SAMD8: variants seen among roughly 807,000 people sequenced by gnomAD.
The protein encoded by SAMD8 is sterile alpha motif domain containing 8, also known as sphingomyelin synthase-related protein 1.
SAMD8 carries 20 observed loss-of-function variants against 42.0 expected under a neutral mutation model. The ratio of observed to expected loss-of-function variants is 0.48; its 90% CI spans 0.34 to 0.69. The LOEUF (loss-of-function observed/expected upper bound fraction) is 0.69. SAMD8 is among the 30% of genes least tolerant of loss of function. The probability of loss-of-function intolerance (pLI) is 0.01; values close to 1 mark genes in which losing one functional copy is unlikely to be tolerated. For synonymous variants in SAMD8, 162 were observed against 173.0 expected, an observed-to-expected ratio of 0.94 and a Z score of 0.50; for missense variants, 328 against 511.6, an observed-to-expected ratio of 0.64 and a Z score of 3.46.
upstream of SAMD8, chr10:75,108,418 G>A: frequency 1.2e-6 from 1 of 863,288 alleles, no homozygotes; most frequent in Non-Finnish European, 1.7e-6. Flanking sequence ...TGTGTCGGGG[G>A]ATCTTTAGAC....
chr10:75,141,013 C>G (rs538191838), intron 1 of SAMD8, among the ~76,000 whole-genome samples: 2 of 152,206 alleles, frequency 1.3e-5, no homozygotes, highest in East Asian at 1.9e-4. Context: ...GTATTTTATA[C>G]ATTTTAATTT....
chr10:75,122,523 G>A lies in SAMD8; in HGVS notation c.-16+10801G>A, dbSNP rs529750741. 7.9e-5 allele frequency among the ~76,000 whole-genome samples: 12 copies of A among 151,610 alleles called. No individual in the cohort carries two copies. The Admixed American group carries it at 7.9e-4, about 10-fold the overall frequency. ...AGCTACTTGGGAGGCTGAGGCATGA[G>A]AATCACTTGAACCCTGGAGGCAGAG... On this transcript the variant is annotated intron_variant, in intron 1 of 5. Coordinates refer to ENST00000542569, the MANE Select transcript of SAMD8 (RefSeq NM_001174156.2).
At chr10:75,142,496 G>A (rs1204449270) in intron 1 of SAMD8, among the ~76,000 whole-genome samples, 1 of 151,958 alleles carries the variant, frequency 6.6e-6, no homozygotes, top group Non-Finnish European at 1.5e-5. Context: ...GAGTGCAGTG[G>A]CACGATCTTG....
At chr10:75,102,690 T>C (rs1008168289) in intron 1 of SAMD8, among the ~76,000 whole-genome samples, 3 of 152,068 alleles carry the variant, frequency 2.0e-5, no homozygotes, top group Non-Finnish European at 4.4e-5. Context: ...CGGTGGCTCA[T>C]GCCTGTAATC....
chr10:75,144,640 AT>A (rs1840094213), intron 1 of SAMD8, among the ~76,000 whole-genome samples: 1 of 151,576 alleles, frequency 6.6e-6, no homozygotes, highest in South Asian at 2.1e-4. Context: ...TCTGTGTTTT[AT>A]TTTGAAAAGT....
At chr10:75,150,356 A>G (rs1407089119) in intron 1 of SAMD8, 158 bp from the exon 2 acceptor site, 1 of 744,784 alleles carries the variant, frequency 1.3e-6, no homozygotes, top group Non-Finnish European at 1.6e-6. Context: ...TCCTGGGCTT[A>G]AGTGATCCTC....
At chr10:75,136,080 T>G (rs933223445) in intron 1 of SAMD8, among the ~76,000 whole-genome samples, 1 of 152,088 alleles carries the variant, frequency 6.6e-6, no homozygotes, top group Admixed American at 6.6e-5. Flanking sequence ...TCTTTTGGTT[T>G]TTTTTTGGCT....
chr10:75,112,037 A>G (rs1848782799), intron 1 of SAMD8, among the ~76,000 whole-genome samples: 1 of 152,146 alleles, frequency 6.6e-6, no homozygotes, highest in South Asian at 2.1e-4. Flanking sequence ...AAAAAGATCG[A>G]AGGTCCTGCG....
upstream of SAMD8, chr10:75,111,514 C>G: frequency 8.1e-7 from 1 of 1,229,920 alleles, no homozygotes; most frequent in Non-Finnish European, 1.0e-6. Context: ...CGGCTCCGAG[C>G]AGCTGCCGGC....
chr10:75,138,165 C>T (rs1232743048), intron 1 of SAMD8, among the ~76,000 whole-genome samples: 1 of 152,048 alleles, frequency 6.6e-6, no homozygotes, highest in Non-Finnish European at 1.5e-5. Flanking sequence ...TAGCAAGGGA[C>T]CCTGAGGAAT....
chr10:75,139,772 A>G (rs956444272), intron 1 of SAMD8, among the ~76,000 whole-genome samples: 4 of 152,212 alleles, frequency 2.6e-5, no homozygotes, highest in Non-Finnish European at 4.4e-5. Context: ...CTTGCAGACT[A>G]AAAACCCTAA....
intron 1 of SAMD8, among the ~76,000 whole-genome samples, chr10:75,140,723 G>C (rs1839990923): frequency 6.6e-6 from 1 of 152,226 alleles, no homozygotes; most frequent in African/African-American, 2.4e-5. Flanking sequence ...AACAAATACA[G>C]GTAGTTGTAT....
intron 2 of SAMD8, among the ~76,000 whole-genome samples, chr10:75,156,865 T>G (rs1400694738): frequency 6.6e-6 from 1 of 151,982 alleles, no homozygotes; most frequent in African/African-American, 2.4e-5. Context: ...TACAGGACAT[T>G]TTTGGGACAA....
intron 1 of SAMD8, chr10:75,101,813 C>G: frequency 7.8e-7 from 1 of 1,274,080 alleles, no homozygotes; most frequent in Non-Finnish European, 1.1e-6. Context: ...CCTCATTACC[C>G]AGCATGCTCA....
At chr10:75,165,963 C>T (rs1411268553) in intron 3 of SAMD8, among the ~76,000 whole-genome samples, 3 of 145,204 alleles carry the variant, frequency 2.1e-5, no homozygotes, top group African/African-American at 7.7e-5. Context: ...GGTGACAGAG[C>T]CAGACCCTGT....
intron 1 of SAMD8, among the ~76,000 whole-genome samples, chr10:75,137,102 T>C (rs1839905247): frequency 6.6e-6 from 1 of 152,176 alleles, no homozygotes; most frequent in African/African-American, 2.4e-5. Context: ...AAGCAGGGAC[T>C]TGAACAGATA....
intron 2 of SAMD8, among the ~76,000 whole-genome samples, chr10:75,154,899 TTTG>T (rs1183874391): frequency 6.6e-6 from 1 of 152,180 alleles, no homozygotes; most frequent in African/African-American, 2.4e-5. Flanking sequence ...TTTTTTGTTT[TTTG>T]TTTTTTTTGA....
chr10:75,148,392 C>T (rs1043411313), intron 1 of SAMD8, among the ~76,000 whole-genome samples: 3 of 121,760 alleles, frequency 2.5e-5, no homozygotes, highest in African/African-American at 6.9e-5. Flanking sequence ...CTTGCTCTGT[C>T]GCCCAGGCTG....
intron 1 of SAMD8, among the ~76,000 whole-genome samples, chr10:75,147,795 G>A (rs1284467422): frequency 1.3e-5 from 2 of 152,118 alleles, no homozygotes; most frequent in African/African-American, 4.8e-5. Flanking sequence ...AGTTATCCAT[G>A]TGAACTAAAA....
Sources: gnomAD v4.1 joint callset for allele counts (sites outside exome capture counted in the v4.1 genomes callset) on GRCh38, gnomAD v4.1.1 for gene constraint, MANE v1.5 for transcripts, NCBI Gene and HGNC (gene_info 2026-07-23, HGNC 2026-07-21) for gene names.